The following HDAC9 variants were observed in gnomAD, a reference collection of about 807,000 sequenced individuals.
HDAC9 encodes the protein histone deacetylase 9.
In HDAC9, 41 loss-of-function variants were observed where a neutral mutation model predicts 139.4. The ratio of observed to expected loss-of-function variants is 0.29; its 90% confidence interval spans 0.23 to 0.38. HDAC9 has a LOEUF of 0.38. HDAC9 is among the 10% of genes least tolerant of loss of function. The pLI, the probability that HDAC9 is intolerant of heterozygous loss-of-function variation, is 1.00. For missense variants in HDAC9, 1,147 were observed against 1,297.0 expected, an observed-to-expected ratio of 0.88 and a Z score of 1.78; for synonymous variants, 517 against 476.2, an observed-to-expected ratio of 1.09 and a Z score of -1.12.
intron 19 of HDAC9, among the ~76,000 whole-genome samples, chr7:18,833,240 A>G (rs886285971): frequency 6.6e-6 from 1 of 152,210 alleles, no homozygotes; most frequent in Admixed American, 6.5e-5. Context: ...TTTCTTACTC[A>G]GAAATTTATG....
chr7:18,128,396 T>C (rs1784805358), intron 1 of HDAC9, among the ~76,000 whole-genome samples: 1 of 152,050 alleles, frequency 6.6e-6, no homozygotes, highest in African/African-American at 2.4e-5. Flanking sequence ...GCTCCTTTCA[T>C]CTCTCTGAAT....
At chr7:18,327,978 G>T (rs1430184682) in intron 1 of HDAC9, among the ~76,000 whole-genome samples, 1 of 151,822 alleles carries the variant, frequency 6.6e-6, no homozygotes, top group African/African-American at 2.4e-5. Flanking sequence ...CATACCAATT[G>T]GAAAAATCTA....
intron 22 of HDAC9, among the ~76,000 whole-genome samples, chr7:18,905,327 G>A (rs1052587937): frequency 2.0e-5 from 3 of 152,194 alleles, no homozygotes; most frequent in African/African-American, 4.8e-5. Context: ...GGTTTAATAA[G>A]GCATTTTATA....
chr7:18,984,115 G>A (rs1785136940), intron 25 of HDAC9, among the ~76,000 whole-genome samples: 1 of 152,058 alleles, frequency 6.6e-6, no homozygotes, highest in Non-Finnish European at 1.5e-5. Flanking sequence ...ATACATTTGT[G>A]TGCTTATTTG....
chr7:18,789,767 T>G (rs1792142450), intron 16 of HDAC9, among the ~76,000 whole-genome samples: 1 of 152,162 alleles, frequency 6.6e-6, no homozygotes, highest in South Asian at 2.1e-4. Flanking sequence ...TTTCTTCCCC[T>G]CCAGCTCCAA....
chr7:18,391,272 C>T (rs1265748243), intron 1 of HDAC9, among the ~76,000 whole-genome samples: 1 of 151,992 alleles, frequency 6.6e-6, no homozygotes, highest in Non-Finnish European at 1.5e-5. Context: ...GTAATTCCAG[C>T]TATGTGGGAG....
intron 2 of HDAC9, among the ~76,000 whole-genome samples, chr7:18,554,689 C>G (rs1158927967): frequency 6.6e-6 from 1 of 152,072 alleles, no homozygotes; most frequent in South Asian, 2.1e-4. Context: ...CCTCTTCTGT[C>G]TCCCTCCTTC....
chr7:18,271,886 A>G (rs1796379920), intron 2 of HDAC9, among the ~76,000 whole-genome samples: 2 of 152,232 alleles, frequency 1.3e-5, no homozygotes, highest in Admixed American at 6.5e-5. Context: ...CAGAACATTG[A>G]TAGCATTTAG....
At chr7:18,962,543 T>G (rs1472908744) in intron 24 of HDAC9, among the ~76,000 whole-genome samples, 1 of 152,148 alleles carries the variant, frequency 6.6e-6, no homozygotes, top group African/African-American at 2.4e-5. Context: ...TCTGCAATTT[T>G]TTTTTCACTC....
chr7:18,094,391 A>G (rs1480444992), intron 1 of HDAC9, among the ~76,000 whole-genome samples: 3 of 151,874 alleles, frequency 2.0e-5, no homozygotes, highest in Non-Finnish European at 1.5e-5. Flanking sequence ...TCTTAGCATG[A>G]CACAAGTTCT....
chr7:18,285,431 C>T (rs1235038624), upstream of HDAC9, among the ~76,000 whole-genome samples: 1 of 152,038 alleles, frequency 6.6e-6, no homozygotes, highest in African/African-American at 2.4e-5. Flanking sequence ...GATGGACATT[C>T]ATTTACATAA....
chr7:18,359,063 T>C (rs1783560365), intron 1 of HDAC9, among the ~76,000 whole-genome samples: 1 of 152,166 alleles, frequency 6.6e-6, no homozygotes, highest in Admixed American at 6.5e-5. Flanking sequence ...TTTCTTAAAT[T>C]GGGGCAGTGA....
intron 2 of HDAC9, among the ~76,000 whole-genome samples, chr7:18,550,946 C>G (rs561326088): frequency 2.0e-5 from 3 of 152,276 alleles, no homozygotes; most frequent in African/African-American, 7.2e-5. Context: ...CCCTAGCAAT[C>G]CTGTTGAGAA....
chr7:18,106,934 C>T (rs1783254115), intron 1 of HDAC9, among the ~76,000 whole-genome samples: 1 of 152,118 alleles, frequency 6.6e-6, no homozygotes, highest in African/African-American at 2.4e-5. Context: ...CAGGAGTACC[C>T]TACAAATGAA....
At chr7:18,949,349 T>A (rs74863881) in intron 23 of HDAC9, 3 of 260,042 alleles carry the variant, frequency 1.2e-5, no homozygotes, top group African/African-American at 6.9e-5. Context: ...TTTCCAGATA[T>A]ACTTAAGAGC....
At chr7:18,759,098 C>T (rs901636053) in intron 14 of HDAC9, among the ~76,000 whole-genome samples, 7 of 152,014 alleles carry the variant, frequency 4.6e-5, no homozygotes, top group East Asian at 1.9e-4. Context: ...GTATAACTAG[C>T]GGAGAAAACT....
intron 1 of HDAC9, among the ~76,000 whole-genome samples, chr7:18,472,583 G>C (rs1196694404): frequency 1.3e-5 from 2 of 152,192 alleles, no homozygotes; most frequent in Admixed American, 6.5e-5. Flanking sequence ...CAGACACACA[G>C]AAGTCTATTC....
Position 18,448,106 on chromosome 7 carries a change from C to G in HDAC9, c.-41-48156C>G, listed in dbSNP as rs950725683. On this transcript the variant is annotated intron_variant, in intron 1 of 3. Transcript: ENST00000413509. The stretch of plus-strand genomic sequence containing the variant: ...AATCCAATTCCAGGCCTCAAGTGAT[C>G]CACCCACCTCAGCCTCCTAAAGTGC... 4.6e-5 allele frequency among the ~76,000 whole-genome samples: 7 copies of G among 152,296 alleles called. No individual in the cohort carries two copies. In the South Asian group the frequency reaches 1.0e-3, roughly 23 times the overall value.
At chr7:18,875,887 G>A (rs1228787805) in intron 22 of HDAC9, among the ~76,000 whole-genome samples, 2 of 152,080 alleles carry the variant, frequency 1.3e-5, no homozygotes. Context: ...ATCAAGTTGA[G>A]ATAAACCCAA....
Sources: allele counts gnomAD v4.1 joint callset (sites outside exome capture counted in the v4.1 genomes callset), GRCh38; gene constraint gnomAD v4.1.1; transcripts MANE v1.5; gene names NCBI Gene and HGNC (gene_info 2026-07-23, HGNC 2026-07-21).